Variants in ATP2B2 observed in about 807,000 individuals in gnomAD.
ATP2B2 encodes the protein plasma membrane calcium-transporting ATPase 2.
A neutral mutation model predicts 120.0 loss-of-function variants in ATP2B2; 15 were observed. That is an observed-to-expected ratio of 0.12 (90% CI 0.08 to 0.19). ATP2B2 has a LOEUF of 0.19. Among genes scored for constraint, ATP2B2 ranks in the 10% least tolerant of loss-of-function variants. The pLI, the probability that ATP2B2 is intolerant of heterozygous loss-of-function variation, is 1.00. For missense variants in ATP2B2, 1,045 were observed against 1,719.8 expected, an observed-to-expected ratio of 0.61 and a Z score of 6.94; for synonymous variants, 694 against 700.3, an observed-to-expected ratio of 0.99 and a Z score of 0.14.
intron 2 of ATP2B2, among the ~76,000 whole-genome samples, chr3:10,440,535 G>C (rs1421504423): frequency 6.6e-6 from 1 of 152,182 alleles, no homozygotes; most frequent in Admixed American, 6.5e-5. Flanking sequence ...ATTCCTCACT[G>C]TTCCCTGTAC....
intron 2 of ATP2B2, among the ~76,000 whole-genome samples, chr3:10,557,597 G>A (rs754293532): frequency 5.3e-5 from 8 of 152,198 alleles, no homozygotes; most frequent in Non-Finnish European, 1.2e-4. Context: ...GAGGAGAAAC[G>A]GACTGGGCAT....
At chr3:10,607,789 T>C (rs1452303641) in intron 2 of ATP2B2, among the ~76,000 whole-genome samples, 3 of 152,308 alleles carry the variant, frequency 2.0e-5, no homozygotes. Flanking sequence ...TGACCACATG[T>C]AGATTTGGAG....
At chr3:10,655,929 C>T (rs2070613425) in intron 1 of ATP2B2, among the ~76,000 whole-genome samples, 1 of 152,204 alleles carries the variant, frequency 6.6e-6, no homozygotes, top group Non-Finnish European at 1.5e-5. Flanking sequence ...TTTAATAACA[C>T]TTTACAATCC....
rs566250373 is a variant in ATP2B2 at position 10,395,269 on chromosome 3, G to A, written c.781+5684C>T. ...AGATGAGGCGCTGCTCCATGCAGGA[G>A]ACCAAAGAGGCAGGACATCCAAGTG... is the stretch of plus-strand genomic sequence containing the variant. On this transcript the variant is annotated intron_variant, in intron 5 of 22. Coordinates refer to ENST00000360273, the MANE Select transcript of ATP2B2 (RefSeq NM_001001331.4). Among the ~76,000 whole-genome samples the A allele has an allele frequency of 3.3e-4, 50 of 152,364 alleles. 2 individuals carry two copies. The South Asian group carries it at 5.2e-3, about 16-fold the overall frequency.
At chr3:10,504,653 G>T (rs1002850838) in intron 1 of ATP2B2, among the ~76,000 whole-genome samples, 4 of 152,020 alleles carry the variant, frequency 2.6e-5, no homozygotes, top group African/African-American at 9.6e-5. Context: ...GCTGCTGTCC[G>T]CAACCCACCC....
At chr3:10,706,175 G>GGAGT (rs922229335) in intron 1 of ATP2B2, among the ~76,000 whole-genome samples, 89 of 152,256 alleles carry the variant, frequency 5.8e-4, no homozygotes, top group African/African-American at 1.5e-3. Context: ...CAAGGCTTAG[G>GGAGT]GAGTGAGTGA....
In ATP2B2 at chr3:10,402,331, C is replaced by T. The variant is rs759427038; in HGVS notation, c.415G>A (p.Gly139Ser). The change falls in exon 4 of 23, where the codon GGT becomes AGT. Residue 139 changes from glycine to serine, a missense_variant. By Grantham distance (56) the Gly-to-Ser change is moderately conservative. This residue lies in a region of ATP2B2 where 35 missense variants were observed against 37.2 expected (regional missense o/e 0.94). Coordinates refer to ENST00000360273, the MANE Select transcript of ATP2B2 (RefSeq NM_001001331.4). This position sits in a 1 kb window ranked among gnomAD's most constrained non-coding sequence, Gnocchi z 4.9. ...EGNEGCATAQ[G>S]GAEDEGEAEA... ...GCCTCTCCTTCATCCTCTGCCCCAC[C>T]CTGGGCCGTCGCACATCCTGAAAGA... The T allele has an allele frequency of 3.1e-6, 5 of 1,613,716 alleles. No homozygotes were observed. The highest frequency in any genetic ancestry group is 4.2e-6 in the Non-Finnish European group (5 of 1,180,050).
intron 3 of ATP2B2, among the ~76,000 whole-genome samples, chr3:10,511,664 C>T (rs571804919): frequency 6.6e-6 from 1 of 152,198 alleles, no homozygotes. Context: ...GATGTCCCAA[C>T]TGGGACCAGC....
intron 2 of ATP2B2, among the ~76,000 whole-genome samples, chr3:10,560,460 C>T (rs1214337709): frequency 6.5e-5 from 7 of 107,432 alleles, no homozygotes; most frequent in African/African-American, 2.7e-4. Flanking sequence ...AGCTGAAAAG[C>T]ACTTCAAATG....
chr3:10,410,711 C>A lies in ATP2B2; in HGVS notation c.304G>T (p.Ala102Ser). 1 of 1,614,182 alleles carries A rather than the reference C, an allele frequency of 6.2e-7. No homozygotes were observed. Among genetic ancestry groups the A allele is most frequent in the South Asian group, 1.1e-5 (1 of 91,082 alleles). Residue 102 changes from alanine (A) to serine (S), a missense_variant, in exon 3 of 23, where the codon GCG becomes TCG. Around this residue, in one of 11 missense-constraint regions of ATP2B2, gnomAD observed 139 missense variants for 134.2 expected, o/e 1.04. Transcript: ENST00000360273. ...ATGATGAGCGTCACGTCCTGCAGCG[C>A]CTCCCACACGAGCTGCAGGAAGGTT... ...PKTFLQLVWEALQDVTLIILE... is the reference protein window; with the variant it reads ...PKTFLQLVWESLQDVTLIILE...
intron 1 of ATP2B2, among the ~76,000 whole-genome samples, chr3:10,484,715 C>T (rs55739201): frequency 0.22 from 33,575 of 152,144 alleles, 4,970 homozygotes; most frequent in Non-Finnish European, 0.33. Context: ...TTGCGCAGTG[C>T]ACCAGTACAT....
At position 10,635,492 on chromosome 3, in the gene ATP2B2, C is replaced by T. The variant is rs368201231; in HGVS notation, c.-459-15531G>A. ...CGGTGAAATTTCTCCATCCTGCTTA[C>T]GTGCCAGAGACTCTAAAGCCCATCC... On this transcript the variant is annotated intron_variant, in intron 1 of 21. Transcript: ENST00000646379. This position sits in a 1 kb window ranked among gnomAD's most constrained non-coding sequence, Gnocchi z 4.3. Among the ~76,000 whole-genome samples the T allele has an allele frequency of 6.1e-4, 93 of 152,254 alleles. No individual in the cohort carries two copies. The South Asian group carries it at 0.018, about 29-fold the overall frequency.
intron 2 of ATP2B2, among the ~76,000 whole-genome samples, chr3:10,428,471 G>A (rs547456532): frequency 9.2e-5 from 14 of 152,226 alleles, no homozygotes; most frequent in East Asian, 1.9e-4. Context: ...CCCAGGTGGC[G>A]TTGTGCTATG....
intron 1 of ATP2B2, among the ~76,000 whole-genome samples, chr3:10,499,601 C>T (rs1188810922): frequency 2.6e-5 from 4 of 152,188 alleles, no homozygotes; most frequent in South Asian, 4.1e-4. Flanking sequence ...AGCACAATGA[C>T]GTTCACAGAG....
intron 7 of ATP2B2, 106 bp from the exon 8 acceptor site, chr3:10,385,433 A>T (rs2061648581): frequency 1.7e-6 from 1 of 593,568 alleles, no homozygotes; most frequent in Non-Finnish European, 2.6e-6. Flanking sequence ...CTCTATTCTT[A>T]AAAAAAAAAA....
At chr3:10,387,576 T>C (rs544310326) in intron 6 of ATP2B2, among the ~76,000 whole-genome samples, 1 of 152,372 alleles carries the variant, frequency 6.6e-6, no homozygotes, top group Non-Finnish European at 1.5e-5. Flanking sequence ...ACCAGAAGCC[T>C]GGGCCTTTGG....
chr3:10,659,242 CA>C (rs1226620633), intron 1 of ATP2B2, among the ~76,000 whole-genome samples: 1 of 152,134 alleles, frequency 6.6e-6, no homozygotes, highest in Non-Finnish European at 1.5e-5. Flanking sequence ...TCACACATAA[CA>C]ATATTAACCT....
In ATP2B2 at chr3:10,329,122, G is replaced by A. The variant is rs1213345149; in HGVS notation, c.3424C>T (p.Arg1142Cys). The change falls in exon 23 of 23, where the codon CGC becomes TGC. Residue 1142 changes from arginine to cysteine, a missense_variant. By Grantham distance (180) the Arg-to-Cys change is radical. Around this residue, in one of 11 missense-constraint regions of ATP2B2, gnomAD observed 211 missense variants for 385.1 expected, o/e 0.55. Transcript: ENST00000360273. The surrounding 1 kb of genome is among the most constrained non-coding windows in gnomAD (Gnocchi z 5.9). ...RGLNRIQTQI[R>C]VVKAFRSSLY... ...GAGCTACGGAACGCCTTCACGACGCGGATCTGCAAGGGAAGCACAGGGGTC... is the reference window on the plus strand; with the variant it reads ...GAGCTACGGAACGCCTTCACGACGCAGATCTGCAAGGGAAGCACAGGGGTC... 3 of 1,612,964 alleles carry A rather than the reference G, an allele frequency of 1.9e-6. No homozygotes were observed. Among genetic ancestry groups the A allele is most frequent in the African/African-American group, 1.3e-5 (1 of 74,730 alleles).
rs147308813 is a variant in ATP2B2 at position 10,411,204 on chromosome 3, C to T, written c.200-389G>A. On this transcript the variant is annotated intron_variant, in intron 2 of 22. Transcript: ENST00000360273. Reference sequence around the variant, plus strand: ...CACAGACACAGAAGGATGATGGCCACGCAAAAACAGAGGCAGAGTTTGGAG... The same window carrying T: ...CACAGACACAGAAGGATGATGGCCATGCAAAAACAGAGGCAGAGTTTGGAG... 9.2e-5 allele frequency among the ~76,000 whole-genome samples: 14 copies of T among 152,194 alleles called. 2 individuals are homozygous for T. In the East Asian group the frequency reaches 1.7e-3, roughly 19 times the overall value.
Sources: gnomAD v4.1 joint callset for allele counts (sites outside exome capture counted in the v4.1 genomes callset) on GRCh38, gnomAD v4.1.1 for gene constraint, gnomAD v4.1.1 regional missense constraint, Gnocchi (gnomAD v3.1) non-coding constraint, MANE v1.5 for transcripts, NCBI Gene and HGNC (gene_info 2026-07-23, HGNC 2026-07-21) for gene names.